The following ITPRID2 variants were observed in gnomAD, a reference collection of about 807,000 sequenced individuals.
The protein encoded by ITPRID2 is ITPR interacting domain containing 2.
A neutral mutation model predicts 124.3 loss-of-function variants in ITPRID2; 60 were observed. That is an observed-to-expected ratio of 0.48 (90% CI 0.39 to 0.60). The LOEUF (loss-of-function observed/expected upper bound fraction) is 0.60. ITPRID2 is among the 20% of genes least tolerant of loss of function. ITPRID2 has a pLI of 0.00. For missense variants in ITPRID2, 1,553 were observed against 1,512.2 expected (o/e 1.03, Z -0.45); for synonymous variants, 521 against 542.9 (o/e 0.96, Z 0.56).
At position 181,927,715 on chromosome 2, in the gene ITPRID2, CATA is replaced by C. The variant is rs368981297; in HGVS notation, c.3676-444_3676-442del. The stretch of plus-strand genomic sequence containing the variant: ...CTTTAGATACCTTGCTGTCAGTTGG[CATA>C]AACAGGCAGTATACCTGTATACTAT... On this transcript the variant is annotated intron_variant, in intron 16 of 17. Coordinates refer to ENST00000431877, the MANE Select transcript of ITPRID2 (RefSeq NM_001130445.3). 4.7e-3 allele frequency among the ~76,000 whole-genome samples: 720 copies of C among 152,262 alleles called. 8 individuals carry two copies. Among genetic ancestry groups the C allele is most frequent in the African/African-American group, 0.014 (596 of 41,554 alleles).
chr2:181,923,285 T>A (rs533569398), intron 16 of ITPRID2, among the ~76,000 whole-genome samples: 2 of 152,350 alleles, frequency 1.3e-5, no homozygotes, highest in South Asian at 2.1e-4. Flanking sequence ...TTCTGTGGAT[T>A]AAATTGTACA....
chr2:181,924,325 T>C (rs1396602125), intron 16 of ITPRID2, among the ~76,000 whole-genome samples: 1 of 152,232 alleles, frequency 6.6e-6, no homozygotes, highest in Non-Finnish European at 1.5e-5. Context: ...AGTTTTCTGT[T>C]TATAAAGTAT....
intron 2 of ITPRID2, among the ~76,000 whole-genome samples, chr2:181,895,143 T>C (rs1361913238): frequency 1.3e-5 from 2 of 152,092 alleles, no homozygotes; most frequent in African/African-American, 4.8e-5. Context: ...TAACATTTCC[T>C]TGAAACTGAT....
At position 181,902,287 on chromosome 2, in the gene ITPRID2, A is replaced by C; in HGVS notation, c.1234A>C (p.Ile412Leu). The stretch of plus-strand genomic sequence containing the variant: ...GAGTAAACTGGGTGAGGAATCTGGT[A>C]TTGTAGAATCCAAATTAGATAGTGA... ...HESKLGEESG[I>L]VESKLDSDFN... Residue 412 changes from isoleucine to leucine, a missense_variant, in exon 8 of 18, where the codon ATT (isoleucine) becomes CTT (leucine). Transcript: ENST00000431877. This position sits in a 1 kb window ranked among gnomAD's most constrained non-coding sequence, Gnocchi z 4.4. 6.2e-7 allele frequency: 1 copy of C among 1,613,902 alleles called. No homozygotes were observed. Among genetic ancestry groups the C allele is most frequent in the Non-Finnish European group, 8.5e-7 (1 of 1,179,882 alleles).
intron 6 of ITPRID2, 141 bp downstream of exon 6, chr2:181,899,253 G>C (rs1558981593): frequency 1.6e-6 from 1 of 618,410 alleles, no homozygotes; most frequent in Non-Finnish European, 2.8e-6. Flanking sequence ...CAGCACAACT[G>C]ATAGGAGCTT....
At position 181,898,313 on chromosome 2, in the gene ITPRID2, TG is replaced by T. The variant is rs370649329; in HGVS notation, c.365-566del. Reference sequence around the variant, plus strand: ...TTAACTTTAAACATTAACACTTACCTGTTTAGAACTTTAAGCTAAAGTTCTA... The same window carrying T: ...TTAACTTTAAACATTAACACTTACCTTTTAGAACTTTAAGCTAAAGTTCTA... On this transcript the variant is annotated intron_variant, in intron 4 of 17. Transcript: ENST00000431877. Among the ~76,000 whole-genome samples, 47 of 152,156 alleles carry T rather than the reference TG, an allele frequency of 3.1e-4. No individual in the cohort carries two copies. The South Asian group carries it at 9.3e-3, about 30-fold the overall frequency.
chr2:181,892,324 A>T lies in ITPRID2; in HGVS notation c.211+47A>T, dbSNP rs1395561777. On this transcript the variant is annotated intron_variant, in intron 1 of 17. Coordinates refer to ENST00000431877, the MANE Select transcript of ITPRID2 (RefSeq NM_001130445.3). This position sits in a 1 kb window ranked among gnomAD's most constrained non-coding sequence, Gnocchi z 5.2. ...CCGGGGGGAGGCTGGTGGGCTGGGG[A>T]GAGTCTCGTGCGCCCTGGGCGCCTG... is the stretch of plus-strand genomic sequence containing the variant. 1 of 1,502,678 alleles carries T rather than the reference A, an allele frequency of 6.7e-7. No individual in the cohort carries two copies. Among genetic ancestry groups the T allele is most frequent in the Non-Finnish European group, 8.9e-7 (1 of 1,124,414 alleles). The allele number at this position is 1,502,678 out of a possible 1,614,324, so 93.1% of individuals were successfully genotyped here. A position where few individuals can be genotyped will look rare whatever the true frequency, so the allele number is the denominator to read the frequency against.
chr2:181,928,971 T>G (rs1266657204), intron 17 of ITPRID2, among the ~76,000 whole-genome samples: 1 of 152,112 alleles, frequency 6.6e-6, no homozygotes, highest in Non-Finnish European at 1.5e-5. Flanking sequence ...ATTTTTATCT[T>G]TTAAAGAAAC....
chr2:181,914,266 T>C (rs1392808177), intron 10 of ITPRID2, among the ~76,000 whole-genome samples: 1 of 152,224 alleles, frequency 6.6e-6, no homozygotes, highest in African/African-American at 2.4e-5. Flanking sequence ...ACAGTAATTG[T>C]TTTGCCTATT....
At chr2:181,898,111 T>C (rs1375855319) in intron 4 of ITPRID2, among the ~76,000 whole-genome samples, 1 of 152,084 alleles carries the variant, frequency 6.6e-6, no homozygotes, top group Non-Finnish European at 1.5e-5. Context: ...ATTTCAAGGC[T>C]ATTTCCATTC....
rs956011527 is a variant in ITPRID2, at chr2:181,912,186, A to C, written c.1487-1659A>C. Among the ~76,000 whole-genome samples, 8 of 152,362 alleles carry C rather than the reference A, an allele frequency of 5.3e-5. No homozygotes were observed. In the East Asian group the frequency reaches 1.5e-3, roughly 29 times the overall value. On this transcript the variant is annotated intron_variant, in intron 9 of 17. Transcript: ENST00000431877. ...GAAATGGGTATCATTGATTGAGGTC[A>C]GCAAACATTTATTCTCAGCTTATTC... is the stretch of plus-strand genomic sequence containing the variant.
At chr2:181,894,209 T>A (rs1197636834) in intron 2 of ITPRID2, 1 of 152,240 alleles carries the variant, frequency 6.6e-6, no homozygotes, top group Non-Finnish European at 1.5e-5. Flanking sequence ...TTTAAGATTG[T>A]ATAAGAGATC....
Position 181,892,742 on chromosome 2 carries a change from C to T in ITPRID2, c.257+82C>T, listed in dbSNP as rs1488846391. 19 of 1,528,370 alleles carry T rather than the reference C, an allele frequency of 1.2e-5. No homozygotes were observed. In the South Asian group the frequency reaches 1.8e-4, roughly 14 times the overall value. The allele number at this position is 1,528,370 out of a possible 1,614,324, so 94.7% of individuals were successfully genotyped here. A position where few individuals can be genotyped will look rare whatever the true frequency, so the allele number is the denominator to read the frequency against. ...GGAGCAGAGCCACTCGGGCCGCGTC[C>T]CTGTGGGTCCCGCGACCGTTGTAAG... On this transcript the variant is annotated intron_variant, in intron 2 of 17. Coordinates refer to ENST00000431877, the MANE Select transcript of ITPRID2 (RefSeq NM_001130445.3). This position sits in a 1 kb window ranked among gnomAD's most constrained non-coding sequence, Gnocchi z 5.2.
intron 16 of ITPRID2, among the ~76,000 whole-genome samples, chr2:181,922,675 C>A (rs1248982909): frequency 6.6e-6 from 1 of 152,136 alleles, no homozygotes; most frequent in Non-Finnish European, 1.5e-5. Context: ...GTGAAGGACT[C>A]AAAATAAACA....
chr2:181,922,330 A>T lies in ITPRID2; in HGVS notation c.3593A>T (p.His1198Leu). The change falls in exon 16 of 18, where the codon CAT (histidine) becomes CTT (leucine). Residue 1198 changes from histidine to leucine, a missense_variant. Physicochemically the swap from His to Leu is moderately conservative, Grantham distance 99 (BLOSUM62 -3). Coordinates refer to ENST00000431877, the MANE Select transcript of ITPRID2 (RefSeq NM_001130445.3). ...CCTAAATCTGAAGTGGAAGAAGGGCATGGAAAACTCCCATCAATGCCAGCT... is the reference window on the plus strand; with the variant it reads ...CCTAAATCTGAAGTGGAAGAAGGGCTTGGAAAACTCCCATCAATGCCAGCT... Reference protein sequence around the residue: ...VGPKSEVEEGHGKLPSMPAAE... With the variant: ...VGPKSEVEEGLGKLPSMPAAE... 6.2e-7 allele frequency: 1 copy of T among 1,614,248 alleles called. No individual in the cohort carries two copies.
intron 10 of ITPRID2, among the ~76,000 whole-genome samples, chr2:181,915,008 G>A (rs1366127939): frequency 2.0e-5 from 3 of 152,170 alleles, no homozygotes; most frequent in Admixed American, 1.3e-4. Context: ...TAGGAAAACA[G>A]TGAAGTTCTG....
intron 11 of ITPRID2, chr2:181,917,355 C>A (rs965451203): frequency 6.6e-6 from 1 of 152,158 alleles, no homozygotes; most frequent in Admixed American, 6.6e-5. Context: ...ATAAGATATA[C>A]CTCCTCTTAA....
In ITPRID2 at chr2:181,892,599, C is replaced by A; in HGVS notation, c.212-16C>A. The A allele has an allele frequency of 6.2e-7, 1 of 1,614,110 alleles. No homozygotes were observed. The highest frequency in any genetic ancestry group is 8.5e-7 in the Non-Finnish European group (1 of 1,180,000). ...CTCCTGGGTGGTAACGTGCTGTCCC[C>A]TCTCTCTACCCCCAGGAAACGTGCC... On this transcript the variant is annotated splice_polypyrimidine_tract_variant and intron_variant, in intron 1 of 17. Coordinates refer to ENST00000431877, the MANE Select transcript of ITPRID2 (RefSeq NM_001130445.3). This position sits in a 1 kb window ranked among gnomAD's most constrained non-coding sequence, Gnocchi z 5.2.
chr2:181,892,378 G>A lies in ITPRID2; in HGVS notation c.211+101G>A, dbSNP rs1036485513. 3 of 1,335,578 alleles carry A rather than the reference G, an allele frequency of 2.2e-6. No individual in the cohort carries two copies. In the African/African-American group the frequency reaches 4.4e-5, roughly 20 times the overall value. 82.7% of individuals were successfully genotyped at this position (1,335,578 alleles called of 1,614,324 possible). A position where few individuals can be genotyped will look rare whatever the true frequency, so the allele number is the denominator to read the frequency against. On this transcript the variant is annotated intron_variant, in intron 1 of 17. Coordinates refer to ENST00000431877, the MANE Select transcript of ITPRID2 (RefSeq NM_001130445.3). This position sits in a 1 kb window ranked among gnomAD's most constrained non-coding sequence, Gnocchi z 5.2. ...CGAGTTCTGGGAGAGCCTCGGGCAC[G>A]GTAGGCCGAGGGGAGAGGGGACACT... is the stretch of plus-strand genomic sequence containing the variant.
Sources: allele counts gnomAD v4.1 joint callset (sites outside exome capture counted in the v4.1 genomes callset), GRCh38; gene constraint gnomAD v4.1.1; non-coding constraint Gnocchi (gnomAD v3.1); transcripts MANE v1.5; gene names NCBI Gene and HGNC (gene_info 2026-07-23, HGNC 2026-07-21).